The following PRKCE variants were observed in gnomAD, a reference collection of about 807,000 sequenced individuals.
PRKCE encodes protein kinase C epsilon type.
PRKCE carries 16 observed loss-of-function variants against 85.4 expected under a neutral mutation model. The ratio of observed to expected loss-of-function variants is 0.19; its 90% CI spans 0.13 to 0.28. The LOEUF is 0.28. PRKCE is among the 10% of genes least tolerant of loss of function. PRKCE has a pLI of 1.00. For synonymous variants in PRKCE, 388 were observed against 371.5 expected, an observed-to-expected ratio of 1.04 and a Z score of -0.51; for missense variants, 573 against 975.2, an observed-to-expected ratio of 0.59 and a Z score of 5.49.
intron 9 of PRKCE, 103 bp downstream of exon 9, chr2:46,007,764 C>G: frequency 7.7e-7 from 1 of 1,291,308 alleles, no homozygotes; most frequent in East Asian, 2.5e-5. Flanking sequence ...AGCCTGATCT[C>G]GTTAGGTTTT....
At chr2:45,964,282 C>G (rs1015689738) in intron 2 of PRKCE, among the ~76,000 whole-genome samples, 3 of 152,220 alleles carry the variant, frequency 2.0e-5, no homozygotes, top group Admixed American at 2.0e-4. Flanking sequence ...TTTAATACAG[C>G]ATTTTAGAAG....
At chr2:45,660,284 A>T (rs182498607) in intron 1 of PRKCE, among the ~76,000 whole-genome samples, 20 of 152,330 alleles carry the variant, frequency 1.3e-4, no homozygotes, top group Admixed American at 1.2e-3. Context: ...GGAGAAAAGG[A>T]TATTTTATTT....
chr2:45,856,717 T>C (rs1475144514), intron 2 of PRKCE, among the ~76,000 whole-genome samples: 1 of 152,180 alleles, frequency 6.6e-6, no homozygotes, highest in Non-Finnish European at 1.5e-5. Flanking sequence ...ACTTCTATTT[T>C]CCCCAGCCTC....
chr2:45,651,942 C>A lies in PRKCE; in HGVS notation c.-159C>A. 1 of 590,782 alleles carries A rather than the reference C, an allele frequency of 1.7e-6. No individual in the cohort carries two copies. Among genetic ancestry groups the A allele is most frequent in the South Asian group, 2.4e-5 (1 of 41,446 alleles). 36.6% of individuals were successfully genotyped at this position (590,782 alleles called of 1,614,324 possible). A position where few individuals can be genotyped will look rare whatever the true frequency, so the allele number is the denominator to read the frequency against. On this transcript the variant is annotated 5_prime_UTR_variant, in exon 1 of 15. Transcript: ENST00000306156. ...AAATACATGCACTGGCTGAGAATCG[C>A]CCGCGCCAGGGCGCAACGCCACAAG...
intron 1 of PRKCE, among the ~76,000 whole-genome samples, chr2:45,825,222 T>TG (rs1447428499): frequency 2.0e-5 from 3 of 152,212 alleles, no homozygotes; most frequent in Non-Finnish European, 4.4e-5. Flanking sequence ...CTGCACCTTG[T>TG]GGGGAACTTG....
intron 14 of PRKCE, among the ~76,000 whole-genome samples, chr2:46,170,670 T>C (rs1678807626): frequency 6.6e-6 from 1 of 152,196 alleles, no homozygotes; most frequent in Non-Finnish European, 1.5e-5. Context: ...TCAGTTCCAG[T>C]ATATGCCCGG....
At chr2:46,084,381 A>G (rs1373064418) in intron 10 of PRKCE, among the ~76,000 whole-genome samples, 1 of 152,200 alleles carries the variant, frequency 6.6e-6, no homozygotes, top group Admixed American at 6.5e-5. Context: ...CTAATGGAAA[A>G]TAATATGCTA....
intron 1 of PRKCE, among the ~76,000 whole-genome samples, chr2:45,719,970 A>C (rs6728564): frequency 0.75 from 113,853 of 151,998 alleles, 43,302 homozygotes; most frequent in African/African-American, 0.87. Context: ...CAATAGCAAC[A>C]GAGCTCTCAG....
intron 2 of PRKCE, among the ~76,000 whole-genome samples, chr2:45,932,037 G>A (rs1287839217): frequency 6.6e-6 from 1 of 152,162 alleles, no homozygotes; most frequent in Non-Finnish European, 1.5e-5. Context: ...TTTTTAAGAT[G>A]CTGGGTGACC....
chr2:45,833,534 C>T (rs1690608354), intron 1 of PRKCE, among the ~76,000 whole-genome samples: 2 of 152,186 alleles, frequency 1.3e-5, no homozygotes, highest in Non-Finnish European at 2.9e-5. Context: ...TCCTCGAATC[C>T]TCCCAACACT....
At chr2:45,988,497 A>C (rs1703521674) in intron 6 of PRKCE, among the ~76,000 whole-genome samples, 1 of 152,012 alleles carries the variant, frequency 6.6e-6, no homozygotes, top group Non-Finnish European at 1.5e-5. Flanking sequence ...CAGGGCATAC[A>C]ACCAGGAACT....
At chr2:45,854,434 C>G (rs1692519209) in intron 2 of PRKCE, among the ~76,000 whole-genome samples, 2 of 152,156 alleles carry the variant, frequency 1.3e-5, no homozygotes, top group Non-Finnish European at 2.9e-5. Context: ...GGGCACAAGA[C>G]CCCCAACTGG....
At chr2:45,840,125 A>T (rs1296482058) in intron 1 of PRKCE, among the ~76,000 whole-genome samples, 1 of 152,164 alleles carries the variant, frequency 6.6e-6, no homozygotes, top group Non-Finnish European at 1.5e-5. Context: ...TGCTTTACAC[A>T]GATAGCATTG....
At chr2:46,126,193 T>A (rs1209413607) in intron 11 of PRKCE, among the ~76,000 whole-genome samples, 1 of 152,160 alleles carries the variant, frequency 6.6e-6, no homozygotes, top group Non-Finnish European at 1.5e-5. Flanking sequence ...CCCACAGAGA[T>A]CTCTCTGGGT....
chr2:45,971,222 A>G (rs1217775361), intron 2 of PRKCE, among the ~76,000 whole-genome samples: 9 of 152,178 alleles, frequency 5.9e-5, no homozygotes, highest in Admixed American at 3.3e-4. Context: ...TCTTGCTTCT[A>G]TGAGTTCAAC....
At chr2:46,171,627 C>T (rs1017311259) in intron 14 of PRKCE, among the ~76,000 whole-genome samples, 3 of 152,200 alleles carry the variant, frequency 2.0e-5, no homozygotes, top group African/African-American at 7.2e-5. Flanking sequence ...CTAATGCCTC[C>T]GAGCCCATTT....
chr2:46,001,400 A>G lies in PRKCE; in HGVS notation c.824-4A>G, dbSNP rs1574180230. On this transcript the variant is annotated splice_polypyrimidine_tract_variant and splice_region_variant and intron_variant, in intron 6 of 14. Transcript: ENST00000306156. This position sits in a 1 kb window ranked among gnomAD's most constrained non-coding sequence, Gnocchi z 4.4. ...ATCTGTCTTTTCTCCATGTCTCCTT[A>G]CAGTCTGCAAAATGAATGTTCACCG... is the stretch of plus-strand genomic sequence containing the variant. 5.0e-6 allele frequency: 8 copies of G among 1,598,662 alleles called. No homozygotes were observed. The highest frequency in any genetic ancestry group is 6.8e-6 in the Non-Finnish European group (8 of 1,179,354).
intron 1 of PRKCE, among the ~76,000 whole-genome samples, chr2:45,737,626 C>T (rs1235418962): frequency 6.6e-6 from 1 of 151,558 alleles, no homozygotes; most frequent in Admixed American, 6.6e-5. Flanking sequence ...GTCTGCCCTA[C>T]CTGGCCCCCT....
chr2:45,902,420 T>C (rs1389549582), intron 2 of PRKCE, among the ~76,000 whole-genome samples: 1 of 152,218 alleles, frequency 6.6e-6, no homozygotes, highest in Non-Finnish European at 1.5e-5. Context: ...CAGGAGGATA[T>C]TGCCCACAGG....
Sources: allele counts gnomAD v4.1 joint callset (sites outside exome capture counted in the v4.1 genomes callset), GRCh38; gene constraint gnomAD v4.1.1; non-coding constraint Gnocchi (gnomAD v3.1); transcripts MANE v1.5; gene names NCBI Gene and HGNC (gene_info 2026-07-23, HGNC 2026-07-21).